Variants in GRIN2B observed in about 807,000 individuals in gnomAD.
The protein encoded by GRIN2B is glutamate receptor ionotropic, NMDA 2B.
Under a neutral mutation model 114.5 loss-of-function variants are expected in GRIN2B, and 5 were observed. The observed-to-expected ratio is 0.04, with a 90% CI of 0.02 to 0.09. GRIN2B has a LOEUF of 0.09. Ranked by LOEUF, GRIN2B falls within the 10% of genes least tolerant of loss-of-function variation. GRIN2B has a pLI of 1.00. For missense variants in GRIN2B, 1,108 were observed against 1,943.5 expected, an observed-to-expected ratio of 0.57 and a Z score of 8.08; for synonymous variants, 787 against 745.1, an observed-to-expected ratio of 1.06 and a Z score of -0.92.
intron 3 of GRIN2B, among the ~76,000 whole-genome samples, chr12:13,827,456 T>A (rs781320678): frequency 4.6e-5 from 7 of 152,058 alleles, no homozygotes; most frequent in Non-Finnish European, 8.8e-5. Context: ...CTAAAACAGT[T>A]CATACTGTTC....
chr12:13,793,033 A>G (rs1864346132), intron 3 of GRIN2B, among the ~76,000 whole-genome samples: 1 of 152,222 alleles, frequency 6.6e-6, no homozygotes, highest in African/African-American at 2.4e-5. Flanking sequence ...AGTCTGTGTT[A>G]CTTGTAATAT....
At position 13,873,616 on chromosome 12, in the gene GRIN2B, T is replaced by G. The variant is rs1473366413; in HGVS notation, c.-18-7390A>C. Reference sequence around the variant, plus strand: ...TTCAAGCTTTTGAGCTCCCTTGCCCTGCTCTTTCTTCAGAAAGGAGCAAGG... The same window carrying G: ...TTCAAGCTTTTGAGCTCCCTTGCCCGGCTCTTTCTTCAGAAAGGAGCAAGG... On this transcript the variant is annotated intron_variant, in intron 2 of 13. Coordinates refer to ENST00000609686, the MANE Select transcript of GRIN2B (RefSeq NM_000834.5). 5.6e-4 allele frequency among the ~76,000 whole-genome samples: 86 copies of G among 152,220 alleles called. 1 individual carries two copies. The highest frequency in any genetic ancestry group is 5.6e-3 in the Admixed American group (86 of 15,284).
chr12:13,739,273 G>C (rs948295015), intron 4 of GRIN2B, among the ~76,000 whole-genome samples: 5 of 150,794 alleles, frequency 3.3e-5, no homozygotes, highest in Non-Finnish European at 7.4e-5. Context: ...TACTTGGGAG[G>C]CTGAGGCAGG....
intron 2 of GRIN2B, among the ~76,000 whole-genome samples, chr12:13,928,492 T>C (rs1866959024): frequency 1.3e-5 from 2 of 152,270 alleles, no homozygotes; most frequent in South Asian, 2.1e-4. Flanking sequence ...AATCAGATTA[T>C]GTAACAAAAT....
chr12:13,964,109 A>T (rs57679712), intron 2 of GRIN2B, among the ~76,000 whole-genome samples: 28 of 152,086 alleles, frequency 1.8e-4, no homozygotes, highest in Admixed American at 1.4e-3. Context: ...CTAACATAGT[A>T]GACAATTATA....
chr12:13,861,758 C>A (rs1441239401), intron 3 of GRIN2B, among the ~76,000 whole-genome samples: 1 of 152,154 alleles, frequency 6.6e-6, no homozygotes, highest in Admixed American at 6.5e-5. Context: ...AACCATATGC[C>A]CTTCTTGGGT....
chr12:13,815,294 T>C (rs1481049703), intron 3 of GRIN2B, among the ~76,000 whole-genome samples: 1 of 151,988 alleles, frequency 6.6e-6, no homozygotes, highest in Non-Finnish European at 1.5e-5. Context: ...GTATTGGTAC[T>C]GAGATTCAGC....
At chr12:13,572,170 A>C (rs1185789964) in intron 10 of GRIN2B, among the ~76,000 whole-genome samples, 1 of 152,202 alleles carries the variant, frequency 6.6e-6, no homozygotes, top group East Asian at 1.9e-4. Context: ...AATTCAATTC[A>C]ATTTAGTACA....
Position 13,629,999 on chromosome 12 carries a change from A to C in GRIN2B, c.1126-13342T>G, listed in dbSNP as rs559745692. On this transcript the variant is annotated intron_variant, in intron 5 of 13. Transcript: ENST00000609686. ...TATCTCGGCCTCACAACTTGCCATG[A>C]TATCTTATATCTAACTGCTTATGTG... 4.6e-5 allele frequency among the ~76,000 whole-genome samples: 7 copies of C among 152,274 alleles called. No individual in the cohort carries two copies. In the South Asian group the frequency reaches 1.5e-3, roughly 32 times the overall value.
intron 10 of GRIN2B, among the ~76,000 whole-genome samples, chr12:13,603,624 T>A (rs1248063412): frequency 6.6e-6 from 1 of 151,782 alleles, no homozygotes; most frequent in Non-Finnish European, 1.5e-5. Flanking sequence ...TTAATAATAA[T>A]AACAATGATA....
intron 2 of GRIN2B, among the ~76,000 whole-genome samples, chr12:13,916,789 A>T (rs34186912): frequency 0.013 from 1,955 of 146,498 alleles, 23 homozygotes; most frequent in Middle Eastern, 0.034. Context: ...CGCCAGGATG[A>T]CAATGGGCTC....
intron 10 of GRIN2B, among the ~76,000 whole-genome samples, chr12:13,591,792 T>C (rs1188863621): frequency 6.6e-6 from 1 of 152,206 alleles, no homozygotes. Flanking sequence ...GGCTTTGGAC[T>C]GCAATTTTCA....
chr12:13,805,425 T>A (rs2136678161), intron 3 of GRIN2B, among the ~76,000 whole-genome samples: 1 of 152,284 alleles, frequency 6.6e-6, no homozygotes, highest in Non-Finnish European at 1.5e-5. Flanking sequence ...AAGATGGTAT[T>A]GTTCTTTTCC....
intron 2 of GRIN2B, among the ~76,000 whole-genome samples, chr12:13,920,147 C>T (rs10845860): frequency 0.14 from 21,553 of 151,482 alleles, 1,937 homozygotes; most frequent in Non-Finnish European, 0.19. Flanking sequence ...ACCTGTAATC[C>T]CAACTACTCA....
intron 5 of GRIN2B, among the ~76,000 whole-genome samples, chr12:13,627,792 G>A (rs2268099): frequency 0.31 from 47,621 of 152,132 alleles, 8,067 homozygotes; most frequent in Middle Eastern, 0.47. Context: ...ACAGCCAAAC[G>A]CACTCAGCAG....
At chr12:13,756,803 C>T (rs951301291) in intron 3 of GRIN2B, among the ~76,000 whole-genome samples, 8 of 152,084 alleles carry the variant, frequency 5.3e-5, no homozygotes, top group Admixed American at 3.9e-4. Flanking sequence ...CCACGGGGGT[C>T]CATAGTAAAT....
intron 3 of GRIN2B, among the ~76,000 whole-genome samples, chr12:13,782,196 A>C (rs1034767650): frequency 3.3e-5 from 5 of 152,192 alleles, no homozygotes; most frequent in African/African-American, 1.2e-4. Flanking sequence ...AGTCAGCAGG[A>C]AGGCTACAGA....
At chr12:13,858,488 A>G (rs1865700105) in intron 3 of GRIN2B, among the ~76,000 whole-genome samples, 1 of 152,228 alleles carries the variant, frequency 6.6e-6, no homozygotes, top group African/African-American at 2.4e-5. Flanking sequence ...AAGTCTCAGA[A>G]AGGGGACTAA....
In GRIN2B at chr12:13,701,241, A is replaced by G. The variant is rs188516045; in HGVS notation, c.1011-25382T>C. On this transcript the variant is annotated intron_variant, in intron 4 of 13. Coordinates refer to ENST00000609686, the MANE Select transcript of GRIN2B (RefSeq NM_000834.5). ...GAGGATTATGAGGATTATGGGGATT[A>G]CAATTCAAGGTGAGATTTGGGTGGG... Among the ~76,000 whole-genome samples the G allele has an allele frequency of 4.4e-4, 67 of 152,274 alleles. No individual in the cohort carries two copies. In the East Asian group the frequency reaches 0.011, roughly 25 times the overall value.
Sources: gnomAD v4.1 joint callset for allele counts (sites outside exome capture counted in the v4.1 genomes callset) on GRCh38, gnomAD v4.1.1 for gene constraint, MANE v1.5 for transcripts, NCBI Gene and HGNC (gene_info 2026-07-23, HGNC 2026-07-21) for gene names.